The following GMNN variants were observed in gnomAD, a reference collection of about 807,000 sequenced individuals.
GMNN encodes geminin DNA replication inhibitor, also known as geminin.
GMNN carries 14 observed loss-of-function variants against 20.9 expected under a neutral mutation model. The ratio of observed to expected loss-of-function variants is 0.67; its 90% CI spans 0.44 to 1.05. The LOEUF (loss-of-function observed/expected upper bound fraction) is 1.05. Ranked by LOEUF, GMNN falls within the 50% of genes least tolerant of loss-of-function variation. GMNN has a pLI of 0.00. For synonymous variants in GMNN, 81 were observed against 85.8 expected, an observed-to-expected ratio of 0.94 and a Z score of 0.31; for missense variants, 227 against 243.8, an observed-to-expected ratio of 0.93 and a Z score of 0.46.
At chr6:24,782,908 A>G (rs1780255830) in intron 4 of GMNN, among the ~76,000 whole-genome samples, 1 of 151,784 alleles carries the variant, frequency 6.6e-6, no homozygotes, top group Non-Finnish European at 1.5e-5. Context: ...AAAGTTGTGT[A>G]TATTTTAGGA....
At chr6:24,777,016 A>G (rs894089204) in intron 1 of GMNN, 10 of 321,088 alleles carry the variant, frequency 3.1e-5, no homozygotes, top group Non-Finnish European at 5.1e-5. Flanking sequence ...TTTTTCAGCT[A>G]TAATTATTAT....
At chr6:24,779,866 G>A (rs183053102) in intron 2 of GMNN, among the ~76,000 whole-genome samples, 1 of 152,198 alleles carries the variant, frequency 6.6e-6, no homozygotes, top group African/African-American at 2.4e-5. Context: ...ATTTTAGTAT[G>A]CCTCAGGCAC....
intron 2 of GMNN, among the ~76,000 whole-genome samples, chr6:24,779,540 A>G (rs1780152029): frequency 6.6e-6 from 1 of 152,206 alleles, no homozygotes; most frequent in African/African-American, 2.4e-5. Context: ...TTGTCCTCAC[A>G]GTAGCTGGCA....
intron 2 of GMNN, 51 bp from the exon 3 acceptor site, chr6:24,780,612 T>G (rs1780185593): frequency 9.9e-7 from 1 of 1,013,298 alleles, no homozygotes; most frequent in Non-Finnish European, 1.6e-6. Flanking sequence ...AGTAACTAAA[T>G]AACCATATTG....
chr6:24,784,139 G>A lies in GMNN; in HGVS notation c.327G>A (p.Ala109=), dbSNP rs145822661. 121 of 1,524,470 alleles carry A rather than the reference G, an allele frequency of 7.9e-5. No homozygotes were observed. In the Middle Eastern group the frequency reaches 1.2e-3, roughly 15 times the overall value. 94.4% of individuals were successfully genotyped at this position (1,524,470 alleles called of 1,614,324 possible). Residue 109 remains alanine, a synonymous_variant, in exon 5 of 7, where the codon GCG becomes GCA. Coordinates refer to ENST00000230056, the MANE Select transcript of GMNN (RefSeq NM_015895.5). Reference sequence around the variant, plus strand: ...AAGTGGCAGAAAAACGGAGAAAGGCGCTGTATGAAGCACTTAAGGAAAATG... The same window carrying A: ...AAGTGGCAGAAAAACGGAGAAAGGCACTGTATGAAGCACTTAAGGAAAATG... ...WKEVAEKRRK[A]LYEALKENEK... is the part of the protein sequence containing the mutation.
intron 6 of GMNN, among the ~76,000 whole-genome samples, chr6:24,785,192 A>G (rs966878615): frequency 6.6e-6 from 1 of 152,142 alleles, no homozygotes; most frequent in Admixed American, 6.5e-5. Context: ...ATAGGAAGAA[A>G]GTTTTTCAAA....
intron 1 of GMNN, chr6:24,775,928 TTCTAAGCAGTGTTG>T (rs1422594854): frequency 6.6e-6 from 1 of 151,746 alleles, no homozygotes; most frequent in African/African-American, 2.4e-5. Flanking sequence ...AGTTGCATTT[TTCTAAGCAGTGTTG>T]CTCATGACTC....
intron 6 of GMNN, among the ~76,000 whole-genome samples, chr6:24,784,928 A>G (rs1780309568): frequency 6.6e-6 from 1 of 152,182 alleles, no homozygotes; most frequent in Admixed American, 6.5e-5. Flanking sequence ...ATCCCTGGAA[A>G]ATATGTATAG....
chr6:24,782,031 T>C (rs911432874), intron 4 of GMNN, among the ~76,000 whole-genome samples: 1 of 151,632 alleles, frequency 6.6e-6, no homozygotes, highest in Non-Finnish European at 1.5e-5. Context: ...CAATAAGCTA[T>C]GTATGATAGC....
At position 24,781,494 on chromosome 6, in the gene GMNN, C is replaced by T. The variant is rs934858447; in HGVS notation, c.147C>T (p.Ser49=). Residue 49 remains serine (S), a synonymous_variant, in exon 4 of 7, where the codon TCC becomes TCT. Coordinates refer to ENST00000230056, the MANE Select transcript of GMNN (RefSeq NM_015895.5). ...CATTATAGCTGTCCGCAGGCTTGTC[C>T]AAAAGGAAACATCGGAATGACCACT... is the stretch of plus-strand genomic sequence containing the variant. ...GRENELSAGL[S]KRKHRNDHLT... 2 of 1,597,554 alleles carry T rather than the reference C, an allele frequency of 1.3e-6. No homozygotes were observed. Among genetic ancestry groups the T allele is most frequent in the East Asian group, 2.2e-5 (1 of 44,668 alleles).
intron 2 of GMNN, among the ~76,000 whole-genome samples, chr6:24,780,379 C>G (rs964296357): frequency 6.6e-6 from 1 of 152,110 alleles, no homozygotes; most frequent in Admixed American, 6.5e-5. Context: ...AGAGAAGTTA[C>G]GTGTGTTTGT....
At chr6:24,778,425 C>T (rs376568386) in intron 2 of GMNN, among the ~76,000 whole-genome samples, 1 of 152,206 alleles carries the variant, frequency 6.6e-6, no homozygotes, top group East Asian at 1.9e-4. Context: ...ATTGCTTGAG[C>T]CTAGGAGTTT....
At chr6:24,778,818 C>CGTAA (rs1248571012) in intron 2 of GMNN, among the ~76,000 whole-genome samples, 1 of 151,722 alleles carries the variant, frequency 6.6e-6, no homozygotes, top group African/African-American at 2.4e-5. Context: ...TCAGCAATTA[C>CGTAA]CGCTATATGG....
rs761528197 is a variant in GMNN, at chr6:24,785,608, A to G, written c.469-30A>G. ...GATCAGCTTAGGTTTTAACATTTTT[A>G]CAATAAATTATTGGTTTATTCTTTA... On this transcript the variant is annotated intron_variant, in intron 6 of 6. Coordinates refer to ENST00000230056, the MANE Select transcript of GMNN (RefSeq NM_015895.5). The G allele has an allele frequency of 1.7e-5, 20 of 1,190,910 alleles. 1 individual carries two copies. The South Asian group carries it at 2.7e-4, about 16-fold the overall frequency. The allele number at this position is 1,190,910 out of a possible 1,614,324, so 73.8% of individuals were successfully genotyped here. A position where few individuals can be genotyped will look rare whatever the true frequency, so the allele number is the denominator to read the frequency against.
chr6:24,778,232 T>C (rs1297585669), intron 2 of GMNN, among the ~76,000 whole-genome samples: 1 of 152,188 alleles, frequency 6.6e-6, no homozygotes, highest in Non-Finnish European at 1.5e-5. Context: ...CAGGTGCCCA[T>C]GGTGGCTCAT....
At position 24,785,833 on chromosome 6, in the gene GMNN, T is replaced by G. The variant is rs774823483; in HGVS notation, c.*34T>G. The G allele has an allele frequency of 7.3e-7, 1 of 1,369,746 alleles. No individual in the cohort carries two copies. Among genetic ancestry groups the G allele is most frequent in the Non-Finnish European group, 1.0e-6 (1 of 982,698 alleles). The allele number at this position is 1,369,746 out of a possible 1,614,324, so 84.8% of individuals were successfully genotyped here. A position where few individuals can be genotyped will look rare whatever the true frequency, so the allele number is the denominator to read the frequency against. ...AATATTTGACTGTTGAGAATTTTACTGCCGAAGTTTACCTCCACTAGTTCT... is the reference window on the plus strand; with the variant it reads ...AATATTTGACTGTTGAGAATTTTACGGCCGAAGTTTACCTCCACTAGTTCT... On this transcript the variant is annotated 3_prime_UTR_variant, in exon 7 of 7. Transcript: ENST00000230056.
At chr6:24,784,616 G>A (rs2113584764) in intron 6 of GMNN, 62 bp downstream of exon 6, 1 of 738,172 alleles carries the variant, frequency 1.4e-6, no homozygotes, top group Non-Finnish European at 2.4e-6. Context: ...TTGAGGTAGT[G>A]TAGTGTGATC....
intron 6 of GMNN, among the ~76,000 whole-genome samples, chr6:24,785,090 G>T (rs1348644705): frequency 6.6e-6 from 1 of 152,120 alleles, no homozygotes; most frequent in East Asian, 1.9e-4. Flanking sequence ...TAATATGTTT[G>T]TAAGAATTAG....
At chr6:24,777,527 A>C (rs1780104944) in intron 2 of GMNN, 1 of 298,578 alleles carries the variant, frequency 3.3e-6, no homozygotes, top group Non-Finnish European at 6.1e-6. Context: ...AGTATTTTGT[A>C]GTTTTCAGAG....
Sources: allele counts gnomAD v4.1 joint callset (sites outside exome capture counted in the v4.1 genomes callset), GRCh38; gene constraint gnomAD v4.1.1; transcripts MANE v1.5; gene names NCBI Gene and HGNC (gene_info 2026-07-23, HGNC 2026-07-21).